Variants in NCAPD3 observed in about 807,000 individuals in gnomAD.
NCAPD3 encodes the protein non-SMC condensin II complex subunit D3, also known as condensin-2 complex subunit D3.
Under a neutral mutation model 182.9 loss-of-function variants are expected in NCAPD3, and 105 were observed. That is an observed-to-expected ratio of 0.57 (90% CI 0.49 to 0.68). NCAPD3 has a LOEUF of 0.68. Among genes scored for constraint, NCAPD3 ranks in the 30% least tolerant of loss-of-function variants. The probability of loss-of-function intolerance (pLI) is 0.00; values close to 1 mark genes in which losing one functional copy is unlikely to be tolerated. For missense variants in NCAPD3, 1,944 were observed against 1,837.0 expected, an observed-to-expected ratio of 1.06 and a Z score of -1.07; for synonymous variants, 815 against 679.9, an observed-to-expected ratio of 1.20 and a Z score of -3.09.
intron 16 of NCAPD3, 125 bp from the exon 17 acceptor site, chr11:134,185,651 A>T (rs1260744644): frequency 2.9e-6 from 2 of 681,780 alleles, no homozygotes; most frequent in Admixed American, 3.3e-5. Context: ...CATGAAACTT[A>T]TATGTAGACG....
intron 16 of NCAPD3, among the ~76,000 whole-genome samples, chr11:134,192,330 AAC>A (rs1474674963): frequency 2.0e-5 from 3 of 152,222 alleles, no homozygotes; most frequent in African/African-American, 7.2e-5. Flanking sequence ...AGGTGTTAAA[AAC>A]AGTTTAACTT....
chr11:134,150,975 G>GT lies in NCAPD3; in HGVS notation c.*1968dup, dbSNP rs1048394783. On this transcript the variant is annotated 3_prime_UTR_variant, in exon 35 of 35. Transcript: ENST00000534548. ...TCCGCCGGAGACACTGCTCCCATTT[G>GT]TGGGGGGACATTAGCAACATCACTC... 78 of 152,356 alleles carry GT rather than the reference G, an allele frequency of 5.1e-4. No individual in the cohort carries two copies. Among genetic ancestry groups the GT allele is most frequent in the African/African-American group, 1.6e-3 (68 of 41,574 alleles). The allele number at this position is 152,356 out of a possible 1,614,324, so 9.4% of individuals were successfully genotyped here. A position where few individuals can be genotyped will look rare whatever the true frequency, so the allele number is the denominator to read the frequency against.
intron 24 of NCAPD3, among the ~76,000 whole-genome samples, chr11:134,170,797 C>T (rs1022924091): frequency 1.7e-4 from 26 of 152,206 alleles, no homozygotes; most frequent in Non-Finnish European, 1.5e-5. Context: ...ACGCTGAGGG[C>T]TGAAAATGTA....
chr11:134,174,604 G>C (rs2135970501), intron 24 of NCAPD3, among the ~76,000 whole-genome samples: 1 of 151,966 alleles, frequency 6.6e-6, no homozygotes, highest in Middle Eastern at 3.4e-3. Context: ...GGCTGGGAAG[G>C]GTACAGAAAG....
chr11:134,215,658 T>C (rs1331567389), intron 3 of NCAPD3, among the ~76,000 whole-genome samples: 2 of 152,186 alleles, frequency 1.3e-5, no homozygotes, highest in African/African-American at 2.4e-5. Context: ...CTACAATAAA[T>C]GGAAAGACAT....
chr11:134,163,031 G>A (rs1943632034), intron 27 of NCAPD3, among the ~76,000 whole-genome samples: 2 of 152,160 alleles, frequency 1.3e-5, no homozygotes, highest in African/African-American at 2.4e-5. Flanking sequence ...CGAGTAGGGG[G>A]CAGCTCGCAA....
At chr11:134,194,579 A>T (rs1591848807) in intron 14 of NCAPD3, 86 bp downstream of exon 14, 1 of 903,994 alleles carries the variant, frequency 1.1e-6, no homozygotes, top group East Asian at 2.6e-5. Context: ...TAAGTAATGA[A>T]TATGGCCTAA....
In NCAPD3 at chr11:134,160,069, C is replaced by T. The variant is rs1283645335; in HGVS notation, c.3690G>A (p.Val1230=). The change falls in exon 29 of 35, where the codon GTG becomes GTA. Residue 1230 remains valine (V), a synonymous_variant. Transcript: ENST00000534548. ...LRELMHYLRE[V]MQDYRDELKD... is the part of the protein sequence containing the mutation. ...TGAGCTCATCTCGGTAATCCTGCAT[C>T]ACCTCCTGAAACAGAGCCAGGAGCA... 1.2e-5 allele frequency: 20 copies of T among 1,613,834 alleles called. No homozygotes were observed. The highest frequency in any genetic ancestry group is 1.6e-5 in the Non-Finnish European group (19 of 1,179,964).
intron 33 of NCAPD3, 23 bp from the exon 34 acceptor site, chr11:134,153,223 C>T: frequency 1.2e-6 from 2 of 1,614,016 alleles, no homozygotes; most frequent in Non-Finnish European, 1.7e-6. Context: ...CAAACAAACA[C>T]ATTCAGCTTT....
intron 1 of NCAPD3, chr11:134,223,603 C>T: frequency 3.0e-6 from 2 of 665,202 alleles, no homozygotes; most frequent in South Asian, 1.6e-5. Context: ...AGGGGAAGGC[C>T]GAGAAAACAG....
In NCAPD3 at chr11:134,168,294, CAGGGGGT is replaced by C; in HGVS notation, c.3374-106_3374-100del. 3.5e-6 allele frequency: 5 copies of C among 1,438,364 alleles called. No homozygotes were observed. The South Asian group carries it at 5.8e-5, about 17-fold the overall frequency. The allele number at this position is 1,438,364 out of a possible 1,614,324, so 89.1% of individuals were successfully genotyped here. ...CAACTGGGGGGCCATCTGAGGCTGTCAGGGGGTCTGCAAGGGTGTTTTGTCTGGGGCA... is the reference window on the plus strand; with the variant it reads ...CAACTGGGGGGCCATCTGAGGCTGTCCTGCAAGGGTGTTTTGTCTGGGGCA... On this transcript the variant is annotated intron_variant, in intron 26 of 34. Transcript: ENST00000534548.
At chr11:134,193,005 A>G in intron 15 of NCAPD3, 96 bp from the exon 16 acceptor site, 1 of 724,490 alleles carries the variant, frequency 1.4e-6, no homozygotes, top group Non-Finnish European at 2.4e-6. Flanking sequence ...CACACCTTCA[A>G]CTGCAAATAG....
At chr11:134,183,991 G>C (rs1485060755) in intron 19 of NCAPD3, among the ~76,000 whole-genome samples, 1 of 152,162 alleles carries the variant, frequency 6.6e-6, no homozygotes. Flanking sequence ...TTGGTACTAA[G>C]AGTATATCTC....
intron 20 of NCAPD3, among the ~76,000 whole-genome samples, chr11:134,180,370 G>A (rs1944269960): frequency 6.6e-6 from 1 of 152,116 alleles, no homozygotes; most frequent in Admixed American, 6.5e-5. Flanking sequence ...GCCCGTTTTG[G>A]TTAAATAATG....
At position 134,157,043 on chromosome 11, in the gene NCAPD3, G is replaced by A. The variant is rs1943440732; in HGVS notation, c.4227C>T (p.Thr1409=). 1.2e-6 allele frequency: 2 copies of A among 1,613,070 alleles called. No homozygotes were observed. The highest frequency in any genetic ancestry group is 1.1e-5 in the South Asian group (1 of 90,906). The change falls in exon 32 of 35, where the codon ACC becomes ACT. Residue 1409 remains threonine (T), a synonymous_variant. Coordinates refer to ENST00000534548, the MANE Select transcript of NCAPD3 (RefSeq NM_015261.3). ...QESNGEIEHV[T]KRAISTPEKS... is the part of the protein sequence containing the mutation. ...TCTCGGGGGTGCTGATGGCCCGCTTGGTCACGTGCTCAATCTCGCCATTCG... is the reference window on the plus strand; with the variant it reads ...TCTCGGGGGTGCTGATGGCCCGCTTAGTCACGTGCTCAATCTCGCCATTCG...
chr11:134,209,013 C>A, intron 6 of NCAPD3, 62 bp from the exon 7 acceptor site: 1 of 1,466,236 alleles, frequency 6.8e-7, no homozygotes, highest in South Asian at 1.2e-5. Context: ...ATTTCTTAGT[C>A]CTACAAGCCA....
At position 134,150,910 on chromosome 11, in the gene NCAPD3, A is replaced by C. The variant is rs748313936; in HGVS notation, c.*2034T>G. 3 of 152,190 alleles carry C rather than the reference A, an allele frequency of 2.0e-5. No homozygotes were observed. The highest frequency in any genetic ancestry group is 4.4e-5 in the Non-Finnish European group (3 of 68,038). 9.4% of individuals were successfully genotyped at this position (152,190 alleles called of 1,614,324 possible). A position where few individuals can be genotyped will look rare whatever the true frequency, so the allele number is the denominator to read the frequency against. ...GGCGGGGAGGAAAGTGAAACGCCTG[A>C]ATCAAAAGCAGTTTTCTAATTTTGA... On this transcript the variant is annotated 3_prime_UTR_variant, in exon 35 of 35. Coordinates refer to ENST00000534548, the MANE Select transcript of NCAPD3 (RefSeq NM_015261.3).
At chr11:134,166,694 G>C (rs200474363) in intron 27 of NCAPD3, among the ~76,000 whole-genome samples, 44 of 93,704 alleles carry the variant, frequency 4.7e-4, no homozygotes, top group South Asian at 1.8e-3. Context: ...GGGGCACACT[G>C]AGTGAGATGA....
intron 6 of NCAPD3, 89 bp downstream of exon 6, chr11:134,209,056 A>G: frequency 6.8e-7 from 1 of 1,469,670 alleles, no homozygotes; most frequent in Non-Finnish European, 9.4e-7. Flanking sequence ...CTGTGTGCCA[A>G]TTGGGATAAA....
Sources: allele counts gnomAD v4.1 joint callset (sites outside exome capture counted in the v4.1 genomes callset), GRCh38; gene constraint gnomAD v4.1.1; transcripts MANE v1.5; gene names NCBI Gene and HGNC (gene_info 2026-07-23, HGNC 2026-07-21).